CSMD1: variants seen among roughly 807,000 people sequenced by gnomAD.
CSMD1 encodes CUB and Sushi multiple domains 1, also known as CUB and sushi domain-containing protein 1.
CSMD1 carries 213 observed loss-of-function variants against 417.5 expected under a neutral mutation model. That is an observed-to-expected ratio of 0.51 (90% CI 0.46 to 0.57). CSMD1 has a LOEUF of 0.57. CSMD1 is among the 20% of genes least tolerant of loss of function. The pLI is 0.00. For missense variants in CSMD1, 6,923 were observed against 4,529.7 expected (o/e 1.53, Z -15.17); for synonymous variants, 2,862 against 1,736.8 (o/e 1.65, Z -16.11).
intron 42 of CSMD1, chr8:3,112,825 A>G (rs1009782386): frequency 2.6e-5 from 4 of 152,182 alleles, no homozygotes; most frequent in African/African-American, 9.7e-5. Flanking sequence ...TTCTATCCAT[A>G]AGCACACAAA....
chr8:3,036,827 A>G (rs1378812451), intron 50 of CSMD1, among the ~76,000 whole-genome samples: 1 of 152,114 alleles, frequency 6.6e-6, no homozygotes, highest in Admixed American at 6.6e-5. Context: ...GCTTTTAGAA[A>G]ATTATTTCAA....
chr8:3,776,002 T>G (rs977663728), intron 5 of CSMD1, among the ~76,000 whole-genome samples: 1 of 152,194 alleles, frequency 6.6e-6, no homozygotes, highest in Non-Finnish European at 1.5e-5. Flanking sequence ...CTTCAGACCC[T>G]GATCCAAATT....
At chr8:4,253,590 T>C (rs941198604) in intron 3 of CSMD1, among the ~76,000 whole-genome samples, 7 of 152,086 alleles carry the variant, frequency 4.6e-5, no homozygotes, top group African/African-American at 1.7e-4. Context: ...AGCAGTAAAA[T>C]GAGATGAGAA....
chr8:3,932,594 T>C (rs1810227495), intron 5 of CSMD1, among the ~76,000 whole-genome samples: 1 of 150,510 alleles, frequency 6.6e-6, no homozygotes, highest in South Asian at 2.1e-4. Flanking sequence ...TAGTTAAAAA[T>C]CCACAAACAG....
intron 12 of CSMD1, among the ~76,000 whole-genome samples, chr8:3,466,358 A>G (rs1253493815): frequency 6.6e-6 from 1 of 152,076 alleles, no homozygotes; most frequent in Non-Finnish European, 1.5e-5. Context: ...GCAACATCAA[A>G]ACGTAGAACA....
intron 3 of CSMD1, among the ~76,000 whole-genome samples, chr8:4,195,888 G>C (rs1259271971): frequency 6.6e-6 from 1 of 152,066 alleles, no homozygotes; most frequent in Non-Finnish European, 1.5e-5. Context: ...AGAGGACTCA[G>C]CACAGTCCCA....
At chr8:4,203,467 T>A (rs1037720883) in intron 3 of CSMD1, among the ~76,000 whole-genome samples, 1 of 152,186 alleles carries the variant, frequency 6.6e-6, no homozygotes, top group African/African-American at 2.4e-5. Flanking sequence ...TTCTTCTTTC[T>A]ATAATGAAGA....
chr8:4,250,045 A>C (rs1303584051), intron 3 of CSMD1, among the ~76,000 whole-genome samples: 1 of 152,242 alleles, frequency 6.6e-6, no homozygotes, highest in African/African-American at 2.4e-5. Context: ...TTGATGCCCC[A>C]ATAAAGAGGG....
intron 5 of CSMD1, among the ~76,000 whole-genome samples, chr8:3,945,904 C>T (rs565287620): frequency 1.1e-4 from 16 of 152,104 alleles, no homozygotes; most frequent in Non-Finnish European, 1.8e-4. Flanking sequence ...TGACTATTCA[C>T]TCAAGACGTG....
In CSMD1 at chr8:3,312,804, G is replaced by T. The variant is rs371387612; in HGVS notation, c.3632-4301C>A. ...GTCAGCATCTCTCAGGTTCTCAAAG[G>T]CAGTTAGACTTCAATCTGGTGTTTC... is the stretch of plus-strand genomic sequence containing the variant. On this transcript the variant is annotated intron_variant, in intron 23 of 69. Transcript: ENST00000635120. 1.8e-5 allele frequency among the ~76,000 whole-genome samples: 2 copies of T among 111,032 alleles called. 1 individual carries two copies. Among genetic ancestry groups the T allele is most frequent in the East Asian group, 4.0e-4 (2 of 4,966 alleles). 72.8% of individuals were successfully genotyped at this position (111,032 alleles called of 152,430 possible).
intron 25 of CSMD1, among the ~76,000 whole-genome samples, chr8:3,287,276 G>C (rs1467898938): frequency 6.6e-6 from 1 of 151,470 alleles, no homozygotes; most frequent in African/African-American, 2.4e-5. Context: ...GATTGACTTG[G>C]TGATTCGGGC....
chr8:4,080,727 G>C (rs770043111), intron 3 of CSMD1, among the ~76,000 whole-genome samples: 1 of 152,132 alleles, frequency 6.6e-6, no homozygotes, highest in Non-Finnish European at 1.5e-5. Flanking sequence ...TGCCATAGGA[G>C]AGAAAAATAA....
chr8:4,330,023 C>G (rs552297895), intron 3 of CSMD1, among the ~76,000 whole-genome samples: 110 of 152,264 alleles, frequency 7.2e-4, no homozygotes, highest in Middle Eastern at 6.8e-3. Context: ...GCATGCAGAA[C>G]TGTGAGCCAA....
At chr8:4,583,726 GC>G in intron 2 of CSMD1, among the ~76,000 whole-genome samples, 1 of 152,222 alleles carries the variant, frequency 6.6e-6, no homozygotes, top group East Asian at 1.9e-4. Flanking sequence ...ACACCAGTCA[GC>G]ACCCTGTCAA....
At chr8:3,182,511 G>T (rs1027771556) in intron 36 of CSMD1, among the ~76,000 whole-genome samples, 1 of 151,830 alleles carries the variant, frequency 6.6e-6, no homozygotes, top group Admixed American at 6.6e-5. Context: ...CACTGCACCC[G>T]GCCCCCAAGA....
At chr8:3,118,070 C>A (rs1006418081) in intron 42 of CSMD1, among the ~76,000 whole-genome samples, 2 of 152,210 alleles carry the variant, frequency 1.3e-5, no homozygotes, top group Admixed American at 1.3e-4. Flanking sequence ...CACTGTAAAG[C>A]TGAACGCTGC....
intron 47 of CSMD1, among the ~76,000 whole-genome samples, chr8:3,093,131 G>C (rs554056035): frequency 6.6e-6 from 1 of 152,138 alleles, no homozygotes; most frequent in East Asian, 1.9e-4. Flanking sequence ...CTCTGGGCTT[G>C]GAAATGTGAC....
chr8:4,835,478 T>G (rs763580522), intron 1 of CSMD1, among the ~76,000 whole-genome samples: 1 of 152,160 alleles, frequency 6.6e-6, no homozygotes, highest in Non-Finnish European at 1.5e-5. Flanking sequence ...TGGATTCTTA[T>G]GTTGAATTTG....
intron 8 of CSMD1, among the ~76,000 whole-genome samples, chr8:3,615,763 T>G (rs898086330): frequency 6.6e-6 from 1 of 152,084 alleles, no homozygotes; most frequent in Admixed American, 6.6e-5. Flanking sequence ...TTTTTTTGGA[T>G]TTTTTTCAAA....
Sources: allele counts gnomAD v4.1 joint callset (sites outside exome capture counted in the v4.1 genomes callset), GRCh38; gene constraint gnomAD v4.1.1; transcripts MANE v1.5; gene names NCBI Gene and HGNC (gene_info 2026-07-23, HGNC 2026-07-21).